ZNF37A: variants seen among roughly 807,000 people sequenced by gnomAD.
ZNF37A encodes the protein zinc finger protein 37A.
In ZNF37A, 10 loss-of-function variants were observed where a neutral mutation model predicts 12.3. That is an observed-to-expected ratio of 0.82 (90% confidence interval 0.50 to 1.38). ZNF37A has a LOEUF of 1.38. Ranked by LOEUF, ZNF37A falls within the 40% of genes most tolerant of loss-of-function variation. The pLI, the probability that ZNF37A is intolerant of heterozygous loss-of-function variation, is 0.00. For synonymous variants in ZNF37A, 207 were observed against 223.0 expected (o/e 0.93, Z 0.64); for missense variants, 580 against 651.2 (o/e 0.89, Z 1.19).
intron 7 of ZNF37A, among the ~76,000 whole-genome samples, chr10:38,145,861 G>A (rs2070246445): frequency 6.6e-6 from 1 of 152,226 alleles, no homozygotes; most frequent in South Asian, 2.1e-4. Flanking sequence ...CAATTTGGGA[G>A]GCTGAGGCGG....
At chr10:38,106,712 T>C (rs1293514852) in intron 5 of ZNF37A, among the ~76,000 whole-genome samples, 1 of 151,824 alleles carries the variant, frequency 6.6e-6, no homozygotes, top group Non-Finnish European at 1.5e-5. Context: ...GAAGCATACA[T>C]AAGTATCAAT....
At chr10:38,102,242 G>C (rs1484474224) in intron 5 of ZNF37A, among the ~76,000 whole-genome samples, 2 of 152,038 alleles carry the variant, frequency 1.3e-5, no homozygotes, top group Admixed American at 1.3e-4. Context: ...TTTTCCATAT[G>C]TATTACATCT....
intron 5 of ZNF37A, among the ~76,000 whole-genome samples, chr10:38,108,213 A>G (rs1050084361): frequency 5.9e-5 from 9 of 152,346 alleles, no homozygotes; most frequent in African/African-American, 2.2e-4. Context: ...AAACTGCACA[A>G]TTACATGAAA....
At chr10:38,113,835 T>G (rs1427108929) in intron 5 of ZNF37A, among the ~76,000 whole-genome samples, 1 of 152,208 alleles carries the variant, frequency 6.6e-6, no homozygotes. Flanking sequence ...ACCATCAACT[T>G]CTGCTATTCG....
At chr10:38,128,312 T>C (rs2069958475), downstream of ZNF37A, among the ~76,000 whole-genome samples, 1 of 152,152 alleles carries the variant, frequency 6.6e-6, no homozygotes, top group Non-Finnish European at 1.5e-5. Flanking sequence ...CCTGGGGTTA[T>C]GGTGTTAAGC....
chr10:38,143,025 C>T (rs2070204600), intron 7 of ZNF37A: 1 of 152,100 alleles, frequency 6.6e-6, no homozygotes, highest in Non-Finnish European at 1.5e-5. Context: ...CATTTTGTTT[C>T]TGAATTAAGA....
chr10:38,105,232 C>T (rs1364831085), intron 5 of ZNF37A, among the ~76,000 whole-genome samples: 4 of 151,898 alleles, frequency 2.6e-5, no homozygotes, highest in Non-Finnish European at 5.9e-5. Context: ...CTCGAACTCC[C>T]GACCTCAGGT....
intron 7 of ZNF37A, among the ~76,000 whole-genome samples, chr10:38,134,994 T>C (rs566953343): frequency 3.3e-5 from 5 of 152,384 alleles, no homozygotes; most frequent in Admixed American, 3.3e-4. Flanking sequence ...ATACGTATAT[T>C]CTTTAGATAT....
At chr10:38,115,461 A>G (rs2136014122) in intron 7 of ZNF37A, 171 bp downstream of exon 7, 1 of 808,924 alleles carries the variant, frequency 1.2e-6, no homozygotes, top group Non-Finnish European at 1.8e-6. Context: ...ATCACCCAGC[A>G]TCTCCCAGTA....
chr10:38,131,169 T>C (rs2070021520), intron 7 of ZNF37A, among the ~76,000 whole-genome samples: 1 of 152,176 alleles, frequency 6.6e-6, no homozygotes, highest in African/African-American at 2.4e-5. Flanking sequence ...TGCTTTGCTT[T>C]CTTGATAGTA....
At chr10:38,127,428 A>G (rs542482153), downstream of ZNF37A, among the ~76,000 whole-genome samples, 40 of 152,366 alleles carry the variant, frequency 2.6e-4, no homozygotes, top group Non-Finnish European at 4.9e-4. Flanking sequence ...AATGAAAAAT[A>G]GTAAACAAAG....
chr10:38,142,367 A>T (rs1362803323), intron 7 of ZNF37A: 2 of 152,228 alleles, frequency 1.3e-5, no homozygotes, highest in African/African-American at 4.8e-5. Flanking sequence ...TAAATGTGAG[A>T]TGATTCACAG....
chr10:38,100,091 A>T (rs182771975), intron 5 of ZNF37A, among the ~76,000 whole-genome samples: 1 of 152,166 alleles, frequency 6.6e-6, no homozygotes, highest in Non-Finnish European at 1.5e-5. Flanking sequence ...GTGATGCCCC[A>T]CAAGCCATAA....
intron 5 of ZNF37A, among the ~76,000 whole-genome samples, chr10:38,104,952 C>T (rs1285869505): frequency 2.6e-5 from 4 of 151,882 alleles, no homozygotes; most frequent in African/African-American, 4.8e-5. Flanking sequence ...CCAGGCTATA[C>T]CATTATCCAC....
rs2136047250 is a variant in ZNF37A, at chr10:38,120,200, G to A, written c.*1363G>A. 6.6e-6 allele frequency: 1 copy of A among 152,274 alleles called. No individual in the cohort carries two copies. The highest frequency in any genetic ancestry group is 1.9e-4 in the East Asian group (1 of 5,178). 9.4% of individuals were successfully genotyped at this position (152,274 alleles called of 1,614,324 possible). On this transcript the variant is annotated 3_prime_UTR_variant, in exon 8 of 8. Coordinates refer to ENST00000685332, the MANE Select transcript of ZNF37A (RefSeq NM_001324250.3). ...TCCCAGTACTTTGGGAGGCTGAGGTGGGCAAATCACCTGAGGTCAGGAGTT... is the reference window on the plus strand; with the variant it reads ...TCCCAGTACTTTGGGAGGCTGAGGTAGGCAAATCACCTGAGGTCAGGAGTT...
At chr10:38,137,139 C>CAAG in intron 7 of ZNF37A, among the ~76,000 whole-genome samples, 1 of 152,262 alleles carries the variant, frequency 6.6e-6, no homozygotes, top group Admixed American at 6.5e-5. Context: ...ATCCAGGCTT[C>CAAG]CTTGGGTTTT....
intron 7 of ZNF37A, among the ~76,000 whole-genome samples, chr10:38,132,139 T>A (rs1482000232): frequency 6.6e-6 from 1 of 152,186 alleles, no homozygotes; most frequent in Non-Finnish European, 1.5e-5. Context: ...GGCTAGAACC[T>A]CCTGTTAAAT....
chr10:38,100,622 C>A (rs2067487077), intron 5 of ZNF37A, among the ~76,000 whole-genome samples: 1 of 152,204 alleles, frequency 6.6e-6, no homozygotes, highest in Admixed American at 6.5e-5. Flanking sequence ...TTCTTATTCC[C>A]TGAACAATTG....
chr10:38,133,944 T>C (rs1328213377), intron 7 of ZNF37A, among the ~76,000 whole-genome samples: 1 of 152,214 alleles, frequency 6.6e-6, no homozygotes, highest in Non-Finnish European at 1.5e-5. Context: ...GATTTGGTCT[T>C]TTCACATAGT....
Sources: allele counts gnomAD v4.1 joint callset (sites outside exome capture counted in the v4.1 genomes callset), GRCh38; gene constraint gnomAD v4.1.1; transcripts MANE v1.5; gene names NCBI Gene and HGNC (gene_info 2026-07-23, HGNC 2026-07-21).